Variants in DLC1 observed in about 807,000 individuals in gnomAD.
DLC1 encodes DLC1 Rho GTPase activating protein, also known as rho GTPase-activating protein 7.
DLC1 carries 54 observed loss-of-function variants against 140.3 expected under a neutral mutation model. The ratio of observed to expected loss-of-function variants is 0.38; its 90% confidence interval spans 0.31 to 0.48. The LOEUF (loss-of-function observed/expected upper bound fraction) is 0.48. Ranked by LOEUF, DLC1 falls within the 20% of genes least tolerant of loss-of-function variation. DLC1 has a pLI of 0.96. For missense variants in DLC1, 2,536 were observed against 1,907.0 expected, an observed-to-expected ratio of 1.33 and a Z score of -6.14; for synonymous variants, 986 against 728.1, an observed-to-expected ratio of 1.35 and a Z score of -5.70.
Position 13,099,338 on chromosome 8 carries a change from A to C in DLC1, c.2990+9T>G. ...GCCCCACACCCGGAGGCAGGAGAAA[A>C]GTTCTTACCTGTTGGACCTGGTTAG... On this transcript the variant is annotated intron_variant, in intron 9 of 17. Coordinates refer to ENST00000276297, the MANE Select transcript of DLC1 (RefSeq NM_182643.3). 6.2e-7 allele frequency: 1 copy of C among 1,607,772 alleles called. No homozygotes were observed. Among genetic ancestry groups the C allele is most frequent in the Non-Finnish European group, 8.5e-7 (1 of 1,177,026 alleles).
chr8:13,486,079 G>A (rs1800955195), intron 2 of DLC1, among the ~76,000 whole-genome samples: 1 of 152,148 alleles, frequency 6.6e-6, no homozygotes. Flanking sequence ...GAACATCTGA[G>A]AGAAAGCACT....
chr8:13,218,247 G>T (rs1828305192), intron 5 of DLC1, among the ~76,000 whole-genome samples: 1 of 152,066 alleles, frequency 6.6e-6, no homozygotes, highest in East Asian at 1.9e-4. Context: ...ACTAAAAATG[G>T]ATTGAAGGCC....
intron 2 of DLC1, among the ~76,000 whole-genome samples, chr8:13,453,628 T>C (rs1236602030): frequency 1.4e-5 from 2 of 143,460 alleles, no homozygotes; most frequent in African/African-American, 2.6e-5. Flanking sequence ...TTTGTCTGGC[T>C]TAAGGAAGCA....
chr8:13,390,849 G>A (rs112211121), intron 4 of DLC1, among the ~76,000 whole-genome samples: 7 of 152,178 alleles, frequency 4.6e-5, no homozygotes, highest in East Asian at 1.9e-4. Flanking sequence ...TTAGCCAGGC[G>A]TGGTGGAGGG....
chr8:13,577,408 T>G (rs1804882736), intron 1 of DLC1, among the ~76,000 whole-genome samples: 1 of 152,150 alleles, frequency 6.6e-6, no homozygotes, highest in African/African-American at 2.4e-5. Flanking sequence ...ATGAAGAATT[T>G]AGGTAATGTA....
chr8:13,089,320 C>T (rs904507081), intron 15 of DLC1, among the ~76,000 whole-genome samples: 1 of 149,446 alleles, frequency 6.7e-6, no homozygotes, highest in Non-Finnish European at 1.5e-5. Flanking sequence ...TATCAGAGTG[C>T]ATGCAATAAA....
chr8:13,098,835 C>CA (rs1818732682), intron 9 of DLC1, among the ~76,000 whole-genome samples: 2 of 152,022 alleles, frequency 1.3e-5, no homozygotes, highest in Non-Finnish European at 2.9e-5. Context: ...AGCTTGGTCT[C>CA]AAACTCTTGG....
At chr8:13,307,467 TG>T (rs1171263937) in intron 4 of DLC1, among the ~76,000 whole-genome samples, 1 of 152,240 alleles carries the variant, frequency 6.6e-6, no homozygotes, top group Non-Finnish European at 1.5e-5. Context: ...ACTTTCTATG[TG>T]TCCCTTAAAA....
intron 5 of DLC1, among the ~76,000 whole-genome samples, chr8:13,170,200 G>C (rs1369402047): frequency 6.6e-6 from 1 of 152,154 alleles, no homozygotes; most frequent in African/African-American, 2.4e-5. Context: ...AAATTCTTTA[G>C]AGATGGAGAT....
intron 5 of DLC1, among the ~76,000 whole-genome samples, chr8:13,131,105 A>AG (rs1822035555): frequency 6.6e-6 from 1 of 152,206 alleles, no homozygotes; most frequent in African/African-American, 2.4e-5. Context: ...CTTCGATTAG[A>AG]GGGGCTGCTG....
intron 1 of DLC1, among the ~76,000 whole-genome samples, chr8:13,544,693 T>A (rs1460254650): frequency 6.6e-6 from 1 of 152,162 alleles, no homozygotes; most frequent in Non-Finnish European, 1.5e-5. Flanking sequence ...TAAGAATAAG[T>A]TAAGTCCGAT....
rs967474269 is a variant in DLC1, at chr8:13,309,165, T to C, written c.1315-3863A>G. ...TTGAACTGCATCCTCAGGAAGTGAT[T>C]TAACATTTCTTGCAATAAAGCAATT... is the stretch of plus-strand genomic sequence containing the variant. On this transcript the variant is annotated intron_variant, in intron 4 of 17. Coordinates refer to ENST00000276297, the MANE Select transcript of DLC1 (RefSeq NM_182643.3). 2.6e-5 allele frequency among the ~76,000 whole-genome samples: 4 copies of C among 152,328 alleles called. 1 individual carries two copies. In the Middle Eastern group the frequency reaches 0.014, roughly 518 times the overall value.
At chr8:13,105,871 C>A (rs990626381) in intron 7 of DLC1, among the ~76,000 whole-genome samples, 1 of 152,140 alleles carries the variant, frequency 6.6e-6, no homozygotes, top group Non-Finnish European at 1.5e-5. Flanking sequence ...AGCCACTGCA[C>A]CCGGCAATCT....
upstream of DLC1, among the ~76,000 whole-genome samples, chr8:13,518,176 T>A (rs761326440): frequency 6.6e-4 from 101 of 152,102 alleles, 1 homozygote; most frequent in Non-Finnish European, 1.3e-3. Flanking sequence ...GGTGGTGATC[T>A]CGGCTCAAGG....
chr8:13,512,558 A>T (rs577296362), intron 1 of DLC1, among the ~76,000 whole-genome samples: 2 of 152,154 alleles, frequency 1.3e-5, no homozygotes, highest in Non-Finnish European at 1.5e-5. Flanking sequence ...CATATTTTTT[A>T]TATGTCAACT....
At chr8:13,212,099 T>C (rs1827974296) in intron 5 of DLC1, among the ~76,000 whole-genome samples, 1 of 152,226 alleles carries the variant, frequency 6.6e-6, no homozygotes, top group Non-Finnish European at 1.5e-5. Context: ...AGTTATGTTA[T>C]AAATATGTAA....
chr8:13,232,177 C>G (rs1181455636), intron 5 of DLC1, among the ~76,000 whole-genome samples: 1 of 152,108 alleles, frequency 6.6e-6, no homozygotes, highest in Admixed American at 6.5e-5. Context: ...AATGATCAGG[C>G]TTGAAGCATG....
At chr8:13,378,051 C>G (rs1446204883) in intron 4 of DLC1, among the ~76,000 whole-genome samples, 4 of 148,730 alleles carry the variant, frequency 2.7e-5, no homozygotes, top group Non-Finnish European at 6.0e-5. Flanking sequence ...TAGCACTGAT[C>G]TTTTTTTGGA....
At chr8:13,508,767 T>C (rs1802227540) in intron 1 of DLC1, among the ~76,000 whole-genome samples, 2 of 152,186 alleles carry the variant, frequency 1.3e-5, no homozygotes, top group Admixed American at 1.3e-4. Flanking sequence ...CTCCATGTTT[T>C]ATTTTTTTTT....
Sources: allele counts gnomAD v4.1 joint callset (sites outside exome capture counted in the v4.1 genomes callset), GRCh38; gene constraint gnomAD v4.1.1; transcripts MANE v1.5; gene names NCBI Gene and HGNC (gene_info 2026-07-23, HGNC 2026-07-21).